SPIRE1: variants seen among roughly 807,000 people sequenced by gnomAD.
SPIRE1 encodes the protein protein spire homolog 1.
A neutral mutation model predicts 94.1 loss-of-function variants in SPIRE1; 40 were observed. The observed-to-expected ratio is 0.43, with a 90% CI of 0.33 to 0.55. The LOEUF is 0.55. SPIRE1 is among the 20% of genes least tolerant of loss of function. SPIRE1 has a pLI of 0.06. For synonymous variants in SPIRE1, 376 were observed against 371.7 expected, an observed-to-expected ratio of 1.01 and a Z score of -0.13; for missense variants, 838 against 975.2, an observed-to-expected ratio of 0.86 and a Z score of 1.87.
chr18:12,538,789 GGT>G (rs1350428379), intron 3 of SPIRE1, among the ~76,000 whole-genome samples: 1 of 152,130 alleles, frequency 6.6e-6, no homozygotes, highest in African/African-American at 2.4e-5. Context: ...TGGGATTACA[GGT>G]GTGTGGCACC....
intron 12 of SPIRE1, among the ~76,000 whole-genome samples, chr18:12,458,773 A>G (rs2031649485): frequency 6.6e-6 from 1 of 152,160 alleles, no homozygotes; most frequent in Non-Finnish European, 1.5e-5. Flanking sequence ...TTAAAAAGCC[A>G]CCGTGGCACC....
chr18:12,489,086 G>T (rs1471315266), intron 8 of SPIRE1, among the ~76,000 whole-genome samples: 8 of 152,188 alleles, frequency 5.3e-5, no homozygotes, highest in Admixed American at 1.3e-4. Flanking sequence ...TACTCGGGAG[G>T]CTGAGGCAGG....
intron 2 of SPIRE1, among the ~76,000 whole-genome samples, chr18:12,623,159 A>AT (rs33920825): frequency 6.8e-4 from 102 of 149,276 alleles, no homozygotes; most frequent in African/African-American, 2.0e-3. Context: ...ACAAATATAC[A>AT]TTTTTTTTTT....
At chr18:12,553,526 T>C (rs908216251) in intron 2 of SPIRE1, among the ~76,000 whole-genome samples, 8 of 152,164 alleles carry the variant, frequency 5.3e-5, no homozygotes, top group African/African-American at 1.9e-4. Context: ...GGAAGGACTG[T>C]GTCCCATGGT....
intron 4 of SPIRE1, among the ~76,000 whole-genome samples, chr18:12,528,197 A>G (rs1437872517): frequency 1.3e-5 from 2 of 152,222 alleles, no homozygotes; most frequent in Non-Finnish European, 2.9e-5. Flanking sequence ...TAAAAAGACT[A>G]CAAGAGATAC....
intron 9 of SPIRE1, among the ~76,000 whole-genome samples, chr18:12,484,444 T>C (rs1568200425): frequency 6.6e-6 from 1 of 152,202 alleles, no homozygotes; most frequent in African/African-American, 2.4e-5. Flanking sequence ...AAGTGAGTGA[T>C]TGTAAAATAT....
chr18:12,499,823 T>A (rs1408765328), intron 6 of SPIRE1, among the ~76,000 whole-genome samples: 1 of 152,152 alleles, frequency 6.6e-6, no homozygotes, highest in Non-Finnish European at 1.5e-5. Flanking sequence ...AGAATGGGTG[T>A]TTTTCTATAC....
At chr18:12,627,486 A>G (rs2144778569) in intron 2 of SPIRE1, among the ~76,000 whole-genome samples, 1 of 152,268 alleles carries the variant, frequency 6.6e-6, no homozygotes, top group East Asian at 1.9e-4. Context: ...GTTGGTTCCA[A>G]GCCTGCTATT....
Position 12,447,800 on chromosome 18 carries a change from A to G in SPIRE1, c.*1838T>C, listed in dbSNP as rs1388188469. 4 of 152,176 alleles carry G rather than the reference A, an allele frequency of 2.6e-5. No individual in the cohort carries two copies. Among genetic ancestry groups the G allele is most frequent in the Admixed American group, 1.3e-4 (2 of 15,280 alleles). The allele number at this position is 152,176 out of a possible 1,614,324, so 9.4% of individuals were successfully genotyped here. ...CAGTAGTCATTATTTTAAAAAGCAC[A>G]TTCTCCTAGGTGCATATTTATATAC... On this transcript the variant is annotated 3_prime_UTR_variant, in exon 17 of 17. Coordinates refer to ENST00000409402, the MANE Select transcript of SPIRE1 (RefSeq NM_001128626.2).
At chr18:12,553,840 G>A (rs2035425068) in intron 2 of SPIRE1, among the ~76,000 whole-genome samples, 1 of 151,942 alleles carries the variant, frequency 6.6e-6, no homozygotes. Flanking sequence ...AAAGAATAAA[G>A]ATCAGAACAG....
At chr18:12,487,570 T>G (rs2143822131) in intron 8 of SPIRE1, among the ~76,000 whole-genome samples, 1 of 152,150 alleles carries the variant, frequency 6.6e-6, no homozygotes, top group Middle Eastern at 3.4e-3. Flanking sequence ...AATTTTTGTA[T>G]TTTTAGAGAG....
chr18:12,596,059 G>A (rs966919939), intron 2 of SPIRE1, among the ~76,000 whole-genome samples: 1 of 152,230 alleles, frequency 6.6e-6, no homozygotes, highest in Admixed American at 6.5e-5. Context: ...CAGACCAAGA[G>A]ACACATTATC....
At chr18:12,611,094 T>G (rs2037128511) in intron 2 of SPIRE1, among the ~76,000 whole-genome samples, 1 of 152,220 alleles carries the variant, frequency 6.6e-6, no homozygotes, top group East Asian at 1.9e-4. Flanking sequence ...GGATCGTTAC[T>G]GGTGCAACAA....
intron 4 of SPIRE1, chr18:12,516,004 G>T (rs1339021195): frequency 6.6e-6 from 1 of 152,018 alleles, no homozygotes; most frequent in African/African-American, 2.4e-5. Context: ...GGAAATCCTA[G>T]GGGAGCTTAA....
At chr18:12,566,289 T>C (rs368914824) in intron 2 of SPIRE1, among the ~76,000 whole-genome samples, 4 of 151,958 alleles carry the variant, frequency 2.6e-5, no homozygotes, top group African/African-American at 9.7e-5. Context: ...TAAGCCGAGA[T>C]TGCAACACTG....
At chr18:12,564,670 T>C (rs1028700524) in intron 2 of SPIRE1, among the ~76,000 whole-genome samples, 2 of 151,796 alleles carry the variant, frequency 1.3e-5, no homozygotes, top group African/African-American at 2.4e-5. Context: ...GAGCAGAGCA[T>C]TATAAGTGGA....
chr18:12,470,217 G>C (rs544984031), intron 10 of SPIRE1, among the ~76,000 whole-genome samples: 2 of 152,058 alleles, frequency 1.3e-5, no homozygotes, highest in African/African-American at 4.8e-5. Context: ...AAAAGTACTA[G>C]GATTACAGGC....
At chr18:12,611,872 C>T (rs533809118) in intron 2 of SPIRE1, among the ~76,000 whole-genome samples, 1 of 151,502 alleles carries the variant, frequency 6.6e-6, no homozygotes, top group African/African-American at 2.4e-5. Context: ...AGAAGTCTCA[C>T]TATGTTGGCC....
In SPIRE1 at chr18:12,537,856, C is replaced by T. The variant is rs28676402; in HGVS notation, c.604-2255G>A. Among the ~76,000 whole-genome samples, 53 of 152,106 alleles carry T rather than the reference C, an allele frequency of 3.5e-4. 1 individual carries two copies. Among genetic ancestry groups the T allele is most frequent in the African/African-American group, 1.2e-3 (51 of 41,518 alleles). ...ATATTGTAAAAGAAATTAAAGAAGACCTAAATAAACAGAAAGACATCTTGT... is the reference window on the plus strand; with the variant it reads ...ATATTGTAAAAGAAATTAAAGAAGATCTAAATAAACAGAAAGACATCTTGT... On this transcript the variant is annotated intron_variant, in intron 3 of 16. Transcript: ENST00000409402.
Sources: gnomAD v4.1 joint callset for allele counts (sites outside exome capture counted in the v4.1 genomes callset) on GRCh38, gnomAD v4.1.1 for gene constraint, MANE v1.5 for transcripts, NCBI Gene and HGNC (gene_info 2026-07-23, HGNC 2026-07-21) for gene names.